GLO1: variants seen among roughly 807,000 people sequenced by gnomAD.
GLO1 encodes the protein glyoxalase I.
Under a neutral mutation model 26.0 loss-of-function variants are expected in GLO1, and 28 were observed. The observed-to-expected ratio is 1.08, with a 90% CI of 0.80 to 1.48. The LOEUF (loss-of-function observed/expected upper bound fraction) is 1.48, where lower values mean the gene tolerates loss of function less well. Among genes scored for constraint, GLO1 ranks in the 40% most tolerant of loss-of-function variants. GLO1 has a pLI of 0.00. For synonymous variants in GLO1, 78 were observed against 77.6 expected (o/e 1.00, Z -0.03); for missense variants, 225 against 224.8 (o/e 1.00, Z -0.01).
rs182114911 is a variant in GLO1, at chr6:38,684,406, C to A, written c.276G>T (p.Ala92=). ...PKEKDEKIAW[A]LSRKATLELT... ...GCTCAAGTGTAGCTTTTCTGGAGAGCGCCCAGGCTATTTTTTCATCTTTTT... is the reference window on the plus strand; with the variant it reads ...GCTCAAGTGTAGCTTTTCTGGAGAGAGCCCAGGCTATTTTTTCATCTTTTT... Residue 92 remains alanine (A), a synonymous_variant, in exon 3 of 6, where the codon GCG becomes GCT. Transcript: ENST00000373365. The A allele has an allele frequency of 1.9e-6, 3 of 1,558,866 alleles. No individual in the cohort carries two copies. The East Asian group carries it at 7.1e-5, about 37-fold the overall frequency.
At chr6:38,700,214 G>C (rs1016464784) in intron 1 of GLO1, among the ~76,000 whole-genome samples, 2 of 152,160 alleles carry the variant, frequency 1.3e-5, no homozygotes, top group African/African-American at 4.8e-5. Context: ...GGTTCCCCCC[G>C]TATCAAAACA....
chr6:38,684,439 G>A lies in GLO1; in HGVS notation c.243C>T (p.Ile81=), dbSNP rs11544284. The stretch of plus-strand genomic sequence containing the variant: ...CTATTTTTTCATCTTTTTCTTTAGG[G>A]ATGTCATTTTTATCCTCATAAGCCA... ...YFLAYEDKND[I]PKEKDEKIAW... The change falls in exon 3 of 6, where the codon ATC becomes ATT. Residue 81 remains isoleucine (I), a synonymous_variant. Coordinates refer to ENST00000373365, the MANE Select transcript of GLO1 (RefSeq NM_006708.3). The A allele has an allele frequency of 6.3e-7, 1 of 1,576,260 alleles. No individual in the cohort carries two copies. Among genetic ancestry groups the A allele is most frequent in the Non-Finnish European group, 8.6e-7 (1 of 1,158,832 alleles).
rs1761733838 is a variant in GLO1, at chr6:38,703,122, C to T, written c.-68G>A. The T allele has an allele frequency of 4.4e-6, 4 of 904,376 alleles. No individual in the cohort carries two copies. Among genetic ancestry groups the T allele is most frequent in the Non-Finnish European group, 6.9e-6 (4 of 578,130 alleles). The allele number at this position is 904,376 out of a possible 1,614,324, so 56.0% of individuals were successfully genotyped here. On this transcript the variant is annotated 5_prime_UTR_variant, in exon 1 of 6. Coordinates refer to ENST00000373365, the MANE Select transcript of GLO1 (RefSeq NM_006708.3). ...AGGAGTCACCCACACTACGCCTCGGCCCTGTGCCGCCTTAACTAGGAATGG... is the reference window on the plus strand; with the variant it reads ...AGGAGTCACCCACACTACGCCTCGGTCCTGTGCCGCCTTAACTAGGAATGG...
At chr6:38,693,989 C>T (rs1172913797) in intron 1 of GLO1, among the ~76,000 whole-genome samples, 3 of 152,000 alleles carry the variant, frequency 2.0e-5, no homozygotes, top group Non-Finnish European at 4.4e-5. Context: ...GGATTACAGG[C>T]GTGAGCCACT....
rs1180276028 is a variant in GLO1 at position 38,703,065 on chromosome 6, C to A, written c.-11G>T. 6.7e-7 allele frequency: 1 copy of A among 1,491,016 alleles called. No homozygotes were observed. The highest frequency in any genetic ancestry group is 9.3e-7 in the Non-Finnish European group (1 of 1,075,338). 92.4% of individuals were successfully genotyped at this position (1,491,016 alleles called of 1,614,324 possible). On this transcript the variant is annotated 5_prime_UTR_variant, in exon 1 of 6. Coordinates refer to ENST00000373365, the MANE Select transcript of GLO1 (RefSeq NM_006708.3). ...CTGCGGTTCTGCCATGGCTGCGCTG[C>A]AGTATCACAGACGACGGGACCCAAG...
chr6:38,701,423 A>G (rs898496139), intron 1 of GLO1, among the ~76,000 whole-genome samples: 5 of 149,584 alleles, frequency 3.3e-5, no homozygotes, highest in Non-Finnish European at 7.4e-5. Context: ...ATCAAGAGAA[A>G]TTTAGATACT....
rs925209467 is a variant in GLO1, at chr6:38,701,053, A to G, written c.84+1918T>C. ...CTCGCTCTCCCAAAGTGCTGGGATT[A>G]CAGGCATGAGCCACTGCACCCAGCC... On this transcript the variant is annotated intron_variant, in intron 1 of 5. Coordinates refer to ENST00000373365, the MANE Select transcript of GLO1 (RefSeq NM_006708.3). Among the ~76,000 whole-genome samples, 15 of 152,310 alleles carry G rather than the reference A, an allele frequency of 9.8e-5. No homozygotes were observed. The East Asian group carries it at 2.5e-3, about 25-fold the overall frequency.
chr6:38,682,529 T>C (rs558306005), intron 4 of GLO1, among the ~76,000 whole-genome samples: 1 of 151,908 alleles, frequency 6.6e-6, no homozygotes, highest in South Asian at 2.1e-4. Context: ...GGATTAGTAT[T>C]AACTACAGCT....
At chr6:38,683,521 AG>A (rs1761413991) in intron 3 of GLO1, among the ~76,000 whole-genome samples, 2 of 152,270 alleles carry the variant, frequency 1.3e-5, no homozygotes, top group South Asian at 4.1e-4. Context: ...GACTAATTAT[AG>A]TACCTAAAAA....
intron 2 of GLO1, 60 bp downstream of exon 2, chr6:38,686,832 T>C (rs1761466352): frequency 1.1e-6 from 1 of 940,330 alleles, no homozygotes; most frequent in South Asian, 1.4e-5. Context: ...CTGAAAACAC[T>C]CTCTAGATTT....
chr6:38,686,517 T>C (rs2127546906), intron 2 of GLO1, among the ~76,000 whole-genome samples: 1 of 152,366 alleles, frequency 6.6e-6, no homozygotes, highest in South Asian at 2.1e-4. Context: ...TGGTCAGTTT[T>C]AAGTAAACCC....
chr6:38,695,997 A>G (rs1761606431), intron 1 of GLO1, among the ~76,000 whole-genome samples: 1 of 152,136 alleles, frequency 6.6e-6, no homozygotes, highest in Non-Finnish European at 1.5e-5. Context: ...CCTTCTTCTC[A>G]CCACCTTTCA....
intron 4 of GLO1, 116 bp from the exon 5 acceptor site, chr6:38,682,217 GA>G: frequency 1.4e-6 from 1 of 703,570 alleles, no homozygotes; most frequent in East Asian, 2.6e-5. Flanking sequence ...AGGCACTTGG[GA>G]ACAGACTTAG....
At position 38,702,993 on chromosome 6, in the gene GLO1, G is replaced by A; in HGVS notation, c.62C>T (p.Ser21Phe). The A allele has an allele frequency of 6.3e-7, 1 of 1,590,450 alleles. No individual in the cohort carries two copies. The highest frequency in any genetic ancestry group is 1.3e-5 in the African/African-American group (1 of 74,294). The change falls in exon 1 of 6, where the codon TCC (serine) becomes TTC (phenylalanine). Residue 21 changes from serine (S) to phenylalanine (F), a missense_variant. Ser to Phe is a radical substitution (Grantham distance 155). Coordinates refer to ENST00000373365, the MANE Select transcript of GLO1 (RefSeq NM_006708.3). ...CACCTTGGTACTGGGGTCCGCGTCG[G>A]AGCAGCAACTGAGGGCGGCCTCGTC... ...LTDEAALSCCSDADPSTKDFL... is the reference protein window; with the variant it reads ...LTDEAALSCCFDADPSTKDFL...
Position 38,686,924 on chromosome 6 carries a change from T to C in GLO1, c.135A>G (p.Ser45=), listed in dbSNP as rs1205082534. The change falls in exon 2 of 6, where the codon TCA becomes TCG. Residue 45 remains serine (S), a synonymous_variant. Transcript: ENST00000373365. The stretch of plus-strand genomic sequence containing the variant: ...CAAGAACTCTAGTATAAAAATCCAG[T>C]GACTTCTTAGGATCCTTCACTCGTA... ...TMLRVKDPKK[S]LDFYTRVLGM... is the part of the protein sequence containing the mutation. The C allele has an allele frequency of 1.0e-5, 16 of 1,604,224 alleles. 1 individual carries two copies. In the South Asian group the frequency reaches 1.8e-4, roughly 18 times the overall value.
intron 1 of GLO1, among the ~76,000 whole-genome samples, chr6:38,697,149 A>G (rs779527196): frequency 7.9e-5 from 12 of 152,086 alleles, no homozygotes; most frequent in Non-Finnish European, 1.5e-4. Context: ...TCCTGACCTC[A>G]TGATCCACCC....
At position 38,682,179 on chromosome 6, in the gene GLO1, T is replaced by C. The variant is rs908181910; in HGVS notation, c.377-78A>G. ...AGGGTGTCCAAGTACCACAAGTAGATTCCAAAACTTGTTTATTTCAAAACA... is the reference window on the plus strand; with the variant it reads ...AGGGTGTCCAAGTACCACAAGTAGACTCCAAAACTTGTTTATTTCAAAACA... On this transcript the variant is annotated intron_variant, in intron 4 of 5. Transcript: ENST00000373365. 3.6e-6 allele frequency: 3 copies of C among 822,764 alleles called. No homozygotes were observed. In the African/African-American group the frequency reaches 5.0e-5, roughly 14 times the overall value. The allele number at this position is 822,764 out of a possible 1,614,324, so 51.0% of individuals were successfully genotyped here. A position where few individuals can be genotyped will look rare whatever the true frequency, so the allele number is the denominator to read the frequency against.
intron 1 of GLO1, among the ~76,000 whole-genome samples, chr6:38,698,029 T>C (rs1761637017): frequency 6.6e-6 from 1 of 152,216 alleles, no homozygotes. Flanking sequence ...TGCATACTTC[T>C]CTAACACCAA....
intron 1 of GLO1, among the ~76,000 whole-genome samples, chr6:38,687,530 C>T (rs1450242602): frequency 6.6e-5 from 10 of 152,180 alleles, no homozygotes; most frequent in Admixed American, 5.2e-4. Flanking sequence ...CGCAAATTAG[C>T]AAAGAGTTAC....
Sources: gnomAD v4.1 joint callset for allele counts (sites outside exome capture counted in the v4.1 genomes callset) on GRCh38, gnomAD v4.1.1 for gene constraint, MANE v1.5 for transcripts, NCBI Gene and HGNC (gene_info 2026-07-23, HGNC 2026-07-21) for gene names.